The following PMPCB variants were observed in gnomAD, a reference collection of about 807,000 sequenced individuals.
PMPCB encodes the protein peptidase, mitochondrial processing subunit beta.
In PMPCB, 46 loss-of-function variants were observed where a neutral mutation model predicts 61.5. That is an observed-to-expected ratio of 0.75 (90% confidence interval 0.59 to 0.96). PMPCB has a LOEUF of 0.96. PMPCB is among the 40% of genes least tolerant of loss of function. The pLI is 0.00. For missense variants in PMPCB, 590 were observed against 602.4 expected (o/e 0.98, Z 0.22); for synonymous variants, 191 against 201.6 (o/e 0.95, Z 0.44).
chr7:103,316,086 C>CA, downstream of PMPCB: 1 of 1,557,366 alleles, frequency 6.4e-7, no homozygotes, highest in Non-Finnish European at 8.7e-7. Context: ...AATAACTTCC[C>CA]ATCTGATAGG....
chr7:103,317,052 C>T (rs115112180), downstream of PMPCB: 1,098 of 1,548,816 alleles, frequency 7.1e-4, 6 homozygotes, highest in African/African-American at 0.014. Flanking sequence ...TAGAAGTATA[C>T]TGTATTGCTA....
rs768813815 is a variant in PMPCB at position 103,300,302 on chromosome 7, C to T, written c.452C>T (p.Pro151Leu). 15 of 1,602,472 alleles carry T rather than the reference C, an allele frequency of 9.4e-6. No homozygotes were observed. In the South Asian group the frequency reaches 1.4e-4, roughly 14 times the overall value. Residue 151 changes from proline to leucine, a missense_variant, in exon 4 of 13, where the codon CCA becomes CTA. Transcript: ENST00000249269. ...GCCAAAGCATTCTCTAAAGACTTGC[C>T]AAGAGGTACTGTTATTATTTATACA... ...YYAKAFSKDL[P>L]RAVEILADII...
chr7:103,343,727 A>G, the PMPCB span, among the ~76,000 whole-genome samples: 2 of 152,222 alleles, frequency 1.3e-5, no homozygotes, highest in African/African-American at 4.8e-5. Flanking sequence ...GATTTCCTCC[A>G]CCTTACACAG....
chr7:103,305,927 G>A (rs1185573833), intron 6 of PMPCB, among the ~76,000 whole-genome samples: 1 of 152,100 alleles, frequency 6.6e-6, no homozygotes, highest in Non-Finnish European at 1.5e-5. Context: ...TGCCATTGTT[G>A]GTGGCATGTG....
At chr7:103,337,642 G>A in the PMPCB span, 3 of 999,206 alleles carry the variant, frequency 3.0e-6, no homozygotes, top group Non-Finnish European at 4.6e-6. Context: ...TGTAGTTATG[G>A]CTGCAGACTA....
At chr7:103,340,712 G>A in the PMPCB span, among the ~76,000 whole-genome samples, 1 of 152,132 alleles carries the variant, frequency 6.6e-6, no homozygotes, top group South Asian at 2.1e-4. Flanking sequence ...ACCTACTAAA[G>A]CATTATCTAT....
intron 6 of PMPCB, among the ~76,000 whole-genome samples, chr7:103,305,643 T>A (rs1817555738): frequency 1.3e-5 from 2 of 152,350 alleles, no homozygotes; most frequent in African/African-American, 4.8e-5. Flanking sequence ...TTTTTAGAGA[T>A]CATAATTTAA....
chr7:103,310,592 A>G, intron 9 of PMPCB, 117 bp downstream of exon 9: 1 of 727,116 alleles, frequency 1.4e-6, no homozygotes, highest in Non-Finnish European at 2.1e-6. Flanking sequence ...AGAGACCTAG[A>G]TAAACAGTAG....
rs1282198572 is a variant in PMPCB at position 103,312,137 on chromosome 7, C to A, written c.1405+6C>A. On this transcript the variant is annotated splice_donor_region_variant and intron_variant, in intron 12 of 12. Coordinates refer to ENST00000249269, the MANE Select transcript of PMPCB (RefSeq NM_004279.3). ...TCCAGCTATTGCTGCTGTTGGTAAGCCTGGCTTCTTTTCTTCTATGCAAAA... is the reference window on the plus strand; with the variant it reads ...TCCAGCTATTGCTGCTGTTGGTAAGACTGGCTTCTTTTCTTCTATGCAAAA... The A allele has an allele frequency of 1.9e-6, 3 of 1,613,904 alleles. No homozygotes were observed. The African/African-American group carries it at 4.0e-5, about 22-fold the overall frequency.
rs1346501636 is a variant in PMPCB, at chr7:103,314,586, C to T, written c.*2315C>T. 2.0e-6 allele frequency: 2 copies of T among 984,892 alleles called. No homozygotes were observed. The highest frequency in any genetic ancestry group is 2.4e-6 in the Non-Finnish European group (2 of 829,622). 61.0% of individuals were successfully genotyped at this position (984,892 alleles called of 1,614,324 possible). A position where few individuals can be genotyped will look rare whatever the true frequency, so the allele number is the denominator to read the frequency against. On this transcript the variant is annotated 3_prime_UTR_variant, in exon 13 of 13. Coordinates refer to ENST00000249269, the MANE Select transcript of PMPCB (RefSeq NM_004279.3). ...GTTGTATTTTGTGGAGATAAAGGTG[C>T]AGGAGAATAAACTCCTTTATAAAGA...
chr7:103,316,332 A>C, downstream of PMPCB: 1 of 322,150 alleles, frequency 3.1e-6, no homozygotes, highest in Non-Finnish European at 5.6e-6. Flanking sequence ...TGGTGTACAA[A>C]TCAACATAAA....
chr7:103,337,990 G>C, the PMPCB span, among the ~76,000 whole-genome samples: 2 of 152,176 alleles, frequency 1.3e-5, no homozygotes, highest in African/African-American at 4.8e-5. Flanking sequence ...GATTAGGCTG[G>C]GTGCCATGGT....
intron 12 of PMPCB, among the ~76,000 whole-genome samples, chr7:103,326,097 G>A (rs1412829267): frequency 3.9e-5 from 6 of 151,900 alleles, no homozygotes; most frequent in East Asian, 1.9e-4. Context: ...TCCCGTCTCC[G>A]CCTCCCGAGG....
chr7:103,324,701 A>G (rs1207783265), intron 12 of PMPCB: 1 of 880,384 alleles, frequency 1.1e-6, no homozygotes, highest in Non-Finnish European at 1.6e-6. Flanking sequence ...CAACTCGAAG[A>G]TGGAGCTGGA....
rs1817754924 is a variant in PMPCB at position 103,311,623 on chromosome 7, T to C, written c.1155-20T>C. The C allele has an allele frequency of 2.5e-6, 4 of 1,594,808 alleles. No homozygotes were observed. The highest frequency in any genetic ancestry group is 3.4e-6 in the Non-Finnish European group (4 of 1,165,072). ...AAATACAACATTTTCCAACTACTAC[T>C]GTTTTTCCACGTTTTTTAGGATGCG... On this transcript the variant is annotated intron_variant, in intron 9 of 12. Coordinates refer to ENST00000249269, the MANE Select transcript of PMPCB (RefSeq NM_004279.3).
Position 103,300,174 on chromosome 7 carries a change from CA to C in PMPCB, c.328-2del, listed in dbSNP as rs762180446. ...ATAATTTGTTTTTCCTCTTTTATTT[CA>C]AGGGCACCAAGAAGAGATCCCAGTT... On this transcript the variant is annotated splice_polypyrimidine_tract_variant and splice_region_variant and intron_variant, in intron 3 of 12. Transcript: ENST00000249269. 1.2e-6 allele frequency: 2 copies of C among 1,605,734 alleles called. No homozygotes were observed. The highest frequency in any genetic ancestry group is 2.2e-5 in the South Asian group (2 of 89,218).
intron 12 of PMPCB, among the ~76,000 whole-genome samples, chr7:103,323,316 T>A (rs532032813): frequency 2.0e-5 from 3 of 152,158 alleles, no homozygotes; most frequent in African/African-American, 7.2e-5. Flanking sequence ...AAAAAAAAAA[T>A]TAATAAAACC....
rs1360107806 is a variant in PMPCB at position 103,313,251 on chromosome 7, C to T, written c.*980C>T. On this transcript the variant is annotated 3_prime_UTR_variant, in exon 13 of 13. Transcript: ENST00000249269. ...GTAGAGATGAGAGATACATATAGCC[C>T]TCTGAGTGTTAATAAGAGAAAAAAT... The T allele has an allele frequency of 3.4e-6, 4 of 1,163,662 alleles. No individual in the cohort carries two copies. Among genetic ancestry groups the T allele is most frequent in the Non-Finnish European group, 3.3e-6 (3 of 897,312 alleles). The allele number at this position is 1,163,662 out of a possible 1,614,324, so 72.1% of individuals were successfully genotyped here.
chr7:103,313,370 A>G lies in PMPCB; in HGVS notation c.*1099A>G, dbSNP rs991978184. ...TTGTACTGTTTATCTCTTAAAAATC[A>G]ATGTAATACACTCACCAGACTGGTA... On this transcript the variant is annotated 3_prime_UTR_variant, in exon 13 of 13. Coordinates refer to ENST00000249269, the MANE Select transcript of PMPCB (RefSeq NM_004279.3). 3 of 1,125,658 alleles carry G rather than the reference A, an allele frequency of 2.7e-6. No individual in the cohort carries two copies. In the African/African-American group the frequency reaches 4.9e-5, roughly 18 times the overall value. The allele number at this position is 1,125,658 out of a possible 1,614,324, so 69.7% of individuals were successfully genotyped here. A position where few individuals can be genotyped will look rare whatever the true frequency, so the allele number is the denominator to read the frequency against.
Sources: allele counts gnomAD v4.1 joint callset (sites outside exome capture counted in the v4.1 genomes callset), GRCh38; gene constraint gnomAD v4.1.1; transcripts MANE v1.5; gene names NCBI Gene and HGNC (gene_info 2026-07-23, HGNC 2026-07-21).